Variants in CDS2 observed in about 807,000 individuals in gnomAD.
The protein encoded by CDS2 is CDP-diacylglycerol synthase 2.
A neutral mutation model predicts 59.0 loss-of-function variants in CDS2; 47 were observed. The ratio of observed to expected loss-of-function variants is 0.80; its 90% CI spans 0.63 to 1.02. CDS2 has a LOEUF of 1.02. Ranked by LOEUF, CDS2 falls within the 50% of genes least tolerant of loss-of-function variation. The pLI, the probability that CDS2 is intolerant of heterozygous loss-of-function variation, is 0.00. For missense variants in CDS2, 356 were observed against 558.9 expected (o/e 0.64, Z 3.66); for synonymous variants, 207 against 206.4 (o/e 1.00, Z -0.02).
intron 10 of CDS2, 103 bp downstream of exon 10, chr20:5,186,942 C>A: frequency 7.6e-7 from 1 of 1,316,920 alleles, no homozygotes; most frequent in Non-Finnish European, 1.1e-6. Flanking sequence ...CTTCCTCCTT[C>A]CCAAAGCTGT....
At chr20:5,183,706 T>G (rs967277564) in intron 7 of CDS2, among the ~76,000 whole-genome samples, 2 of 152,146 alleles carry the variant, frequency 1.3e-5, no homozygotes, top group Non-Finnish European at 2.9e-5. Flanking sequence ...CGATTATAGA[T>G]AAATCATTCT....
chr20:5,131,745 G>A (rs964458171), intron 1 of CDS2, among the ~76,000 whole-genome samples: 4 of 152,300 alleles, frequency 2.6e-5, no homozygotes, highest in African/African-American at 7.2e-5. Flanking sequence ...CCTGGGCTCC[G>A]CCACATAAAG....
At chr20:5,150,719 A>G (rs1323495197) in intron 1 of CDS2, among the ~76,000 whole-genome samples, 1 of 152,032 alleles carries the variant, frequency 6.6e-6, no homozygotes, top group African/African-American at 2.4e-5. Flanking sequence ...AGCATTCCTG[A>G]CGCTCCCACC....
Position 5,186,842 on chromosome 20 carries a change from A to G in CDS2, c.981+3A>G, listed in dbSNP as rs1568544601. On this transcript the variant is annotated splice_donor_region_variant and intron_variant, in intron 10 of 12. Coordinates refer to ENST00000460006, the MANE Select transcript of CDS2 (RefSeq NM_003818.4). ...TGATCCAGTCAGTCATTGGCTGGGT[A>G]TGTGCCACTCACAGGGGGTGAGCGG... The G allele has an allele frequency of 1.2e-6, 2 of 1,613,970 alleles. No individual in the cohort carries two copies. The highest frequency in any genetic ancestry group is 1.3e-5 in the African/African-American group (1 of 75,032).
At chr20:5,189,916 G>A in intron 12 of CDS2, 78 bp downstream of exon 12, 1 of 1,400,384 alleles carries the variant, frequency 7.1e-7, no homozygotes, top group Non-Finnish European at 1.0e-6. Context: ...CGGCATCTAA[G>A]TTCCAGTGAA....
chr20:5,190,052 G>C, intron 12 of CDS2, 50 bp from the exon 13 acceptor site: 1 of 1,599,096 alleles, frequency 6.3e-7, no homozygotes. Context: ...ATCAGGCCCT[G>C]GAAGCTTCCG....
At chr20:5,140,452 A>C (rs1313031205) in intron 1 of CDS2, among the ~76,000 whole-genome samples, 3 of 152,160 alleles carry the variant, frequency 2.0e-5, no homozygotes, top group African/African-American at 7.2e-5. Flanking sequence ...TGATTTTAGC[A>C]GAGGCATTTT....
chr20:5,173,320 G>T (rs1307285007), intron 1 of CDS2, among the ~76,000 whole-genome samples: 2 of 152,224 alleles, frequency 1.3e-5, no homozygotes, highest in Non-Finnish European at 2.9e-5. Flanking sequence ...CTCTCTTCCA[G>T]CAGAGTGTGG....
intron 1 of CDS2, among the ~76,000 whole-genome samples, chr20:5,168,440 A>T (rs201696056): frequency 2.0e-5 from 1 of 49,920 alleles, no homozygotes; most frequent in African/African-American, 7.1e-5. Context: ...AAAAGAAAAG[A>T]AAAAAAAAAA....
At chr20:5,145,250 C>T (rs1027116495) in intron 1 of CDS2, among the ~76,000 whole-genome samples, 1 of 126,328 alleles carries the variant, frequency 7.9e-6, no homozygotes, top group Admixed American at 8.2e-5. Flanking sequence ...CCCCCCCCGC[C>T]CCCGCCACCA....
chr20:5,195,947 G>C lies in CDS2; in HGVS notation c.*5713G>C, dbSNP rs138514359. 6.6e-6 allele frequency: 1 copy of C among 152,238 alleles called. No homozygotes were observed. The highest frequency in any genetic ancestry group is 1.9e-4 in the East Asian group (1 of 5,166). The allele number at this position is 152,238 out of a possible 1,614,324, so 9.4% of individuals were successfully genotyped here. ...TTTCTTGAACTTAGTTTTCTGAATGGGGGTGGGGAGTTGGGGCACGTGTGT... is the reference window on the plus strand; with the variant it reads ...TTTCTTGAACTTAGTTTTCTGAATGCGGGTGGGGAGTTGGGGCACGTGTGT... On this transcript the variant is annotated 3_prime_UTR_variant, in exon 13 of 13. Coordinates refer to ENST00000460006, the MANE Select transcript of CDS2 (RefSeq NM_003818.4).
chr20:5,131,916 T>C (rs2090610730), intron 1 of CDS2, among the ~76,000 whole-genome samples: 1 of 152,266 alleles, frequency 6.6e-6, no homozygotes, highest in Non-Finnish European at 1.5e-5. Flanking sequence ...GTTAGCTATG[T>C]TGCTACTGAT....
intron 1 of CDS2, among the ~76,000 whole-genome samples, chr20:5,169,793 T>C (rs1292664595): frequency 1.3e-5 from 2 of 152,224 alleles, no homozygotes; most frequent in African/African-American, 2.4e-5. Flanking sequence ...TGGGTAGCTT[T>C]TGTGTTTCAG....
chr20:5,174,246 A>G (rs1406016049), intron 2 of CDS2, among the ~76,000 whole-genome samples: 2 of 152,196 alleles, frequency 1.3e-5, no homozygotes, highest in Non-Finnish European at 2.9e-5. Context: ...CAGTGTTCCT[A>G]TGTGTGCCTC....
intron 1 of CDS2, among the ~76,000 whole-genome samples, chr20:5,161,159 A>C (rs1444746545): frequency 6.6e-6 from 1 of 152,220 alleles, no homozygotes; most frequent in African/African-American, 2.4e-5. Context: ...ATTATTTTAC[A>C]TTCTGACCAA....
intron 1 of CDS2, among the ~76,000 whole-genome samples, chr20:5,153,521 A>G (rs976466129): frequency 6.6e-6 from 1 of 152,204 alleles, no homozygotes; most frequent in Non-Finnish European, 1.5e-5. Context: ...GTCTCAACCT[A>G]TAGTTTAAAC....
Position 5,182,942 on chromosome 20 carries a change from A to G in CDS2, c.589-119A>G. On this transcript the variant is annotated intron_variant, in intron 6 of 12. Coordinates refer to ENST00000460006, the MANE Select transcript of CDS2 (RefSeq NM_003818.4). Reference sequence around the variant, plus strand: ...CCTGTTCACTTTCAATAAGTCAGATACAAAAGCAGATATTTTTCCTACCTG... The same window carrying G: ...CCTGTTCACTTTCAATAAGTCAGATGCAAAAGCAGATATTTTTCCTACCTG... 5 of 766,892 alleles carry G rather than the reference A, an allele frequency of 6.5e-6. No individual in the cohort carries two copies. In the South Asian group the frequency reaches 8.2e-5, roughly 13 times the overall value. 47.5% of individuals were successfully genotyped at this position (766,892 alleles called of 1,614,324 possible).
chr20:5,156,194 A>G (rs2090832496), intron 1 of CDS2, among the ~76,000 whole-genome samples: 1 of 152,172 alleles, frequency 6.6e-6, no homozygotes, highest in African/African-American at 2.4e-5. Flanking sequence ...AGCTGTGAGA[A>G]TGGGAAAGAC....
chr20:5,155,304 C>G (rs2090824935), intron 1 of CDS2, among the ~76,000 whole-genome samples: 1 of 152,162 alleles, frequency 6.6e-6, no homozygotes, highest in Non-Finnish European at 1.5e-5. Flanking sequence ...TATTGCAGGC[C>G]TTGTAGATAA....
Sources: gnomAD v4.1 joint callset for allele counts (sites outside exome capture counted in the v4.1 genomes callset) on GRCh38, gnomAD v4.1.1 for gene constraint, MANE v1.5 for transcripts, NCBI Gene and HGNC (gene_info 2026-07-23, HGNC 2026-07-21) for gene names.